The following CTNNA3 variants were observed in gnomAD, a reference collection of about 807,000 sequenced individuals.
CTNNA3 encodes the protein catenin alpha-3.
A neutral mutation model predicts 95.7 loss-of-function variants in CTNNA3; 76 were observed. The observed-to-expected ratio is 0.79, with a 90% CI of 0.66 to 0.96. The LOEUF (loss-of-function observed/expected upper bound fraction) is 0.96. CTNNA3 is among the 40% of genes least tolerant of loss of function. CTNNA3 has a pLI of 0.00. For synonymous variants in CTNNA3, 431 were observed against 374.4 expected (o/e 1.15, Z -1.74); for missense variants, 1,191 against 1,089.8 (o/e 1.09, Z -1.31).
chr10:66,513,657 TC>T (rs1238223221), intron 11 of CTNNA3, among the ~76,000 whole-genome samples: 26 of 152,126 alleles, frequency 1.7e-4, no homozygotes, highest in African/African-American at 6.3e-4. Flanking sequence ...CGTTTGGGGA[TC>T]AGTGTTCATG....
intron 13 of CTNNA3, among the ~76,000 whole-genome samples, chr10:66,168,117 T>C: frequency 6.6e-6 from 1 of 152,182 alleles, no homozygotes; most frequent in East Asian, 1.9e-4. Flanking sequence ...TAAAAAGAGC[T>C]TTTGGCATTT....
chr10:67,609,090 CA>C (rs397977100), intron 2 of CTNNA3, among the ~76,000 whole-genome samples: 233 of 79,652 alleles, frequency 2.9e-3, no homozygotes, highest in East Asian at 0.027. Context: ...AACTCTATCT[CA>C]AAAAAAAAAA....
chr10:67,502,446 G>A (rs572195637), intron 5 of CTNNA3, among the ~76,000 whole-genome samples: 16 of 152,302 alleles, frequency 1.1e-4, no homozygotes, highest in African/African-American at 3.8e-4. Context: ...AGGCATGGGG[G>A]TCAGGGACCC....
At chr10:67,497,633 C>T (rs546449294) in intron 5 of CTNNA3, among the ~76,000 whole-genome samples, 4 of 152,166 alleles carry the variant, frequency 2.6e-5, no homozygotes, top group African/African-American at 9.6e-5. Context: ...TTCTAACTGG[C>T]GTGAGATGGT....
At chr10:66,873,947 T>G (rs1403792098) in intron 7 of CTNNA3, among the ~76,000 whole-genome samples, 1 of 152,164 alleles carries the variant, frequency 6.6e-6, no homozygotes, top group Non-Finnish European at 1.5e-5. Context: ...AAGAATCAGA[T>G]GCCAACACAG....
chr10:66,537,843 A>G (rs1453488924), intron 10 of CTNNA3, among the ~76,000 whole-genome samples: 1 of 151,848 alleles, frequency 6.6e-6, no homozygotes, highest in African/African-American at 2.4e-5. Context: ...ATCAGCAAAA[A>G]TGGGTTAATA....
intron 5 of CTNNA3, among the ~76,000 whole-genome samples, chr10:67,273,677 G>A (rs1839071271): frequency 6.6e-6 from 1 of 152,078 alleles, no homozygotes; most frequent in African/African-American, 2.4e-5. Flanking sequence ...ATGCCCAGGT[G>A]TCAAAAAATA....
intron 1 of CTNNA3, among the ~76,000 whole-genome samples, chr10:67,705,331 A>G (rs1349745993): frequency 3.3e-5 from 5 of 151,982 alleles, no homozygotes; most frequent in African/African-American, 1.2e-4. Context: ...ATGCACACGT[A>G]TGTTTATTGC....
intron 7 of CTNNA3, among the ~76,000 whole-genome samples, chr10:66,960,055 C>A (rs1849031903): frequency 6.6e-6 from 1 of 151,796 alleles, no homozygotes; most frequent in Admixed American, 6.6e-5. Context: ...CCCATGTTGA[C>A]CCTCATAGCT....
intron 7 of CTNNA3, among the ~76,000 whole-genome samples, chr10:66,953,473 G>C (rs183299641): frequency 2.6e-4 from 39 of 151,938 alleles, no homozygotes; most frequent in Non-Finnish European, 1.9e-4. Context: ...TTTTTTTTCT[G>C]TACTTTCCCA....
chr10:67,234,807 C>T (rs1027694844), intron 5 of CTNNA3, among the ~76,000 whole-genome samples: 1 of 151,886 alleles, frequency 6.6e-6, no homozygotes, highest in Non-Finnish European at 1.5e-5. Flanking sequence ...TAAGCAACTT[C>T]AGCAAAATCT....
intron 7 of CTNNA3, among the ~76,000 whole-genome samples, chr10:66,935,716 C>A (rs949810540): frequency 6.6e-6 from 1 of 150,750 alleles, no homozygotes; most frequent in African/African-American, 2.5e-5. Flanking sequence ...TATTATGTAC[C>A]AGGAATTTGT....
intron 11 of CTNNA3, among the ~76,000 whole-genome samples, chr10:66,390,820 C>T (rs2092928189): frequency 6.6e-6 from 1 of 152,052 alleles, no homozygotes; most frequent in African/African-American, 2.4e-5. Context: ...AAGATCTAAG[C>T]AAAAACTAGC....
intron 7 of CTNNA3, among the ~76,000 whole-genome samples, chr10:67,053,100 T>C (rs1054092928): frequency 9.9e-5 from 15 of 152,190 alleles, no homozygotes; most frequent in Admixed American, 9.8e-4. Context: ...AACTTTGTAA[T>C]ACTGCTTTGT....
intron 7 of CTNNA3, among the ~76,000 whole-genome samples, chr10:66,997,723 C>T (rs191243134): frequency 3.5e-4 from 54 of 152,184 alleles, no homozygotes; most frequent in African/African-American, 8.9e-4. Flanking sequence ...TACCTTATTC[C>T]GTCATAACAA....
At chr10:66,703,209 T>C (rs1206266599) in intron 9 of CTNNA3, among the ~76,000 whole-genome samples, 1 of 151,980 alleles carries the variant, frequency 6.6e-6, no homozygotes, top group Non-Finnish European at 1.5e-5. Flanking sequence ...GTGCCAGGAG[T>C]GTACTACTGT....
intron 7 of CTNNA3, among the ~76,000 whole-genome samples, chr10:66,896,266 C>T (rs1021377298): frequency 7.9e-5 from 12 of 152,110 alleles, no homozygotes; most frequent in Admixed American, 7.9e-4. Context: ...TGAATATATC[C>T]TTCCTTCTAG....
intron 13 of CTNNA3, among the ~76,000 whole-genome samples, chr10:66,254,609 C>A (rs2132079892): frequency 6.6e-6 from 1 of 152,274 alleles, no homozygotes; most frequent in African/African-American, 2.4e-5. Flanking sequence ...TCAATAAATT[C>A]TTCTTGCCAA....
intron 11 of CTNNA3, among the ~76,000 whole-genome samples, chr10:66,445,849 C>T (rs1023730853): frequency 6.6e-6 from 1 of 151,910 alleles, no homozygotes; most frequent in African/African-American, 2.4e-5. Flanking sequence ...GAAATAGACA[C>T]ATAAAAAAAC....
Sources: gnomAD v4.1 joint callset for allele counts (sites outside exome capture counted in the v4.1 genomes callset) on GRCh38, gnomAD v4.1.1 for gene constraint, MANE v1.5 for transcripts, NCBI Gene and HGNC (gene_info 2026-07-23, HGNC 2026-07-21) for gene names.